Variants in DLC1 observed in about 807,000 individuals in gnomAD.
The protein encoded by DLC1 is DLC1 Rho GTPase activating protein.
In DLC1, 54 loss-of-function variants were observed where a neutral mutation model predicts 140.3. The observed-to-expected ratio is 0.38, with a 90% CI of 0.31 to 0.48. The LOEUF (loss-of-function observed/expected upper bound fraction) is 0.48, where lower values mean the gene tolerates loss of function less well. DLC1 is among the 20% of genes least tolerant of loss of function. The pLI, the probability that DLC1 is intolerant of heterozygous loss-of-function variation, is 0.96. For synonymous variants in DLC1, 986 were observed against 728.1 expected, an observed-to-expected ratio of 1.35 and a Z score of -5.70; for missense variants, 2,536 against 1,907.0, an observed-to-expected ratio of 1.33 and a Z score of -6.14.
intron 1 of DLC1, among the ~76,000 whole-genome samples, chr8:13,555,971 A>G (rs1466322975): frequency 6.6e-6 from 1 of 152,146 alleles, no homozygotes; most frequent in Non-Finnish European, 1.5e-5. Flanking sequence ...AAGAGGTTGC[A>G]TTTCAGGTAA....
At position 13,450,654 on chromosome 8, in the gene DLC1, C is replaced by T. The variant is rs115649316; in HGVS notation, c.1023+48395G>A. On this transcript the variant is annotated intron_variant, in intron 2 of 17. Transcript: ENST00000276297. Reference sequence around the variant, plus strand: ...TAACTTAATGATATTTTGATGACTTCATATTTTAAGAGTGAAAAGTTTTCA... The same window carrying T: ...TAACTTAATGATATTTTGATGACTTTATATTTTAAGAGTGAAAAGTTTTCA... Among the ~76,000 whole-genome samples, 742 of 151,996 alleles carry T rather than the reference C, an allele frequency of 4.9e-3. 5 individuals carry two copies. The highest frequency in any genetic ancestry group is 0.017 in the African/African-American group (706 of 41,450).
intron 2 of DLC1, among the ~76,000 whole-genome samples, chr8:13,450,473 AAAG>A: frequency 6.6e-6 from 1 of 151,158 alleles, no homozygotes; most frequent in Admixed American, 6.6e-5. Context: ...AAAAAAAAAA[AAAG>A]GCCGAAGAGA....
intron 5 of DLC1, among the ~76,000 whole-genome samples, chr8:13,218,353 C>T (rs187855816): frequency 5.7e-4 from 86 of 152,120 alleles, no homozygotes; most frequent in African/African-American, 2.0e-3. Flanking sequence ...AGATATGACA[C>T]CAAAAGCATG....
chr8:13,153,219 G>T (rs1823971102), intron 5 of DLC1, among the ~76,000 whole-genome samples: 1 of 152,130 alleles, frequency 6.6e-6, no homozygotes, highest in Admixed American at 6.5e-5. Flanking sequence ...TCCTTCTGGT[G>T]GGTTCGTGGT....
rs145667701 is a variant in DLC1 at position 13,461,868 on chromosome 8, A to G, written c.1023+37181T>C. ...TGATAATTAAGTTAATACACACAGT[A>G]TTTGAGGATGCAGCCTGTGACATGC... On this transcript the variant is annotated intron_variant, in intron 2 of 17. Transcript: ENST00000276297. 5.6e-4 allele frequency among the ~76,000 whole-genome samples: 86 copies of G among 152,234 alleles called. 1 individual carries two copies. In the East Asian group the frequency reaches 0.015, roughly 26 times the overall value.
At chr8:13,205,226 G>T (rs1827597299) in intron 5 of DLC1, among the ~76,000 whole-genome samples, 1 of 152,160 alleles carries the variant, frequency 6.6e-6, no homozygotes, top group African/African-American at 2.4e-5. Context: ...TTACTCTAAG[G>T]CAGGGCTTCT....
chr8:13,519,795 A>G (rs1416502388), upstream of DLC1, among the ~76,000 whole-genome samples: 1 of 152,206 alleles, frequency 6.6e-6, no homozygotes, highest in Non-Finnish European at 1.5e-5. Flanking sequence ...AAACAACCCC[A>G]TCAAATAATG....
At chr8:13,520,028 G>A (rs1802715463) in intron 1 of DLC1, among the ~76,000 whole-genome samples, 1 of 152,170 alleles carries the variant, frequency 6.6e-6, no homozygotes, top group Admixed American at 6.5e-5. Flanking sequence ...GTTGGTGGGA[G>A]TGTGAATTAG....
At chr8:13,377,268 G>C (rs1298942807) in intron 4 of DLC1, among the ~76,000 whole-genome samples, 1 of 152,170 alleles carries the variant, frequency 6.6e-6, no homozygotes, top group Non-Finnish European at 1.5e-5. Flanking sequence ...AAAGGAATGA[G>C]TGTAGAAGTG....
chr8:13,394,549 A>C (rs1836928792), intron 3 of DLC1, among the ~76,000 whole-genome samples: 2 of 152,136 alleles, frequency 1.3e-5, no homozygotes, highest in South Asian at 2.1e-4. Flanking sequence ...GCACAGAGGA[A>C]AGGTGGGAGG....
chr8:13,448,643 GCCACCGCAC>G (rs1798907378), intron 2 of DLC1, among the ~76,000 whole-genome samples: 1 of 152,258 alleles, frequency 6.6e-6, no homozygotes, highest in East Asian at 1.9e-4. Context: ...ACAGGCGTGA[GCCACCGCAC>G]CCAGCCTCCT....
chr8:13,492,102 A>C (rs1456104551), intron 2 of DLC1, among the ~76,000 whole-genome samples: 2 of 152,304 alleles, frequency 1.3e-5, no homozygotes, highest in Non-Finnish European at 1.5e-5. Context: ...AGAACTGAGC[A>C]ACTAACTTGA....
Position 13,098,416 on chromosome 8 carries a change from G to A in DLC1, c.3150C>T (p.Asn1050=), listed in dbSNP as rs563588933. 1.2e-6 allele frequency: 2 copies of A among 1,614,020 alleles called. No individual in the cohort carries two copies. The highest frequency in any genetic ancestry group is 1.7e-5 in the Admixed American group (1 of 60,004). The change falls in exon 10 of 18, where the codon AAC becomes AAT. Residue 1050 remains asparagine (N), a synonymous_variant. Transcript: ENST00000276297. The part of the protein sequence containing the change: ...TALLEKYTPS[N]KHGFSWAVPK... ...ACTCTTACCAGCTAAAACCATGCTT[G>A]TTAGAAGGTGTGTATTTCTCCAGCA...
At chr8:13,134,312 A>G (rs555492533) in intron 5 of DLC1, among the ~76,000 whole-genome samples, 1 of 152,366 alleles carries the variant, frequency 6.6e-6, no homozygotes, top group East Asian at 1.9e-4. Flanking sequence ...AAACTCATTC[A>G]TTCAACAAAT....
Position 13,119,177 on chromosome 8 carries a change from G to C in DLC1, c.1349-3520C>G, listed in dbSNP as rs111608427. Among the ~76,000 whole-genome samples, 392 of 149,510 alleles carry C rather than the reference G, an allele frequency of 2.6e-3. 3 individuals are homozygous for C. Among genetic ancestry groups the C allele is most frequent in the African/African-American group, 8.9e-3 (359 of 40,518 alleles). ...CCAGAGGTGGAGGCTGCAGTGAGCT[G>C]TGACCACACTACTGCATTCCAACGT... On this transcript the variant is annotated intron_variant, in intron 5 of 17. Coordinates refer to ENST00000276297, the MANE Select transcript of DLC1 (RefSeq NM_182643.3).
chr8:13,240,331 T>C (rs949013427), intron 5 of DLC1, among the ~76,000 whole-genome samples: 1 of 152,182 alleles, frequency 6.6e-6, no homozygotes, highest in Non-Finnish European at 1.5e-5. Context: ...AACGTGACAA[T>C]AACTTTCATC....
chr8:13,330,903 C>T (rs552300853), intron 4 of DLC1, among the ~76,000 whole-genome samples: 1 of 152,178 alleles, frequency 6.6e-6, no homozygotes, highest in African/African-American at 2.4e-5. Flanking sequence ...AGGTGTTCCA[C>T]CCTCTGCAAA....
At chr8:13,159,002 A>G (rs1824484321) in intron 5 of DLC1, among the ~76,000 whole-genome samples, 1 of 152,096 alleles carries the variant, frequency 6.6e-6, no homozygotes, top group African/African-American at 2.4e-5. Flanking sequence ...ATTCATACAA[A>G]CAGCTGCAGA....
intron 6 of DLC1, among the ~76,000 whole-genome samples, 169 bp downstream of exon 6, chr8:13,115,417 G>T (rs1029212870): frequency 6.6e-6 from 1 of 152,058 alleles, no homozygotes; most frequent in African/African-American, 2.4e-5. Context: ...TGTTACCAAG[G>T]TGCTAGCTTT....
Sources: gnomAD v4.1 joint callset for allele counts (sites outside exome capture counted in the v4.1 genomes callset) on GRCh38, gnomAD v4.1.1 for gene constraint, MANE v1.5 for transcripts, NCBI Gene and HGNC (gene_info 2026-07-23, HGNC 2026-07-21) for gene names.